Variants in SP140L observed in about 807,000 individuals in gnomAD.
SP140L encodes the protein nuclear body protein SP140-like protein.
Under a neutral mutation model 84.3 loss-of-function variants are expected in SP140L, and 64 were observed. The observed-to-expected ratio is 0.76, with a 90% confidence interval of 0.62 to 0.94. SP140L has a LOEUF of 0.94. Among genes scored for constraint, SP140L ranks in the 40% least tolerant of loss-of-function variants. The pLI, the probability that SP140L is intolerant of heterozygous loss-of-function variation, is 0.00. For missense variants in SP140L, 628 were observed against 692.5 expected (o/e 0.91, Z 1.05); for synonymous variants, 242 against 236.9 (o/e 1.02, Z -0.20).
Position 230,370,982 on chromosome 2 carries a change from G to A in SP140L, c.583+15G>A. 6.2e-7 allele frequency: 1 copy of A among 1,613,080 alleles called. No individual in the cohort carries two copies. The highest frequency in any genetic ancestry group is 2.2e-5 in the East Asian group (1 of 44,850). The stretch of plus-strand genomic sequence containing the variant: ...TGGCAAAATGGGTAAGGCTGCCTGA[G>A]GGCTGTGGGATGGGGTGGCTCAGTG... On this transcript the variant is annotated intron_variant, in intron 6 of 18. Transcript: ENST00000415673.
chr2:230,342,812 T>C (rs73110326), intron 2 of SP140L, among the ~76,000 whole-genome samples: 1 of 151,918 alleles, frequency 6.6e-6, no homozygotes, highest in Non-Finnish European at 1.5e-5. Flanking sequence ...AGATTTATCC[T>C]TTTTTTTAAA....
chr2:230,382,194 A>G (rs1286862116), intron 7 of SP140L, among the ~76,000 whole-genome samples: 1 of 145,950 alleles, frequency 6.9e-6, no homozygotes, highest in Non-Finnish European at 1.5e-5. Flanking sequence ...ATGACTGAGA[A>G]CAGGGGTAGG....
intron 2 of SP140L, among the ~76,000 whole-genome samples, chr2:230,333,744 C>G (rs2059790068): frequency 6.6e-6 from 1 of 151,426 alleles, no homozygotes. Context: ...GGTTGATCCT[C>G]TAGAGATTTT....
rs1387208112 is a variant in SP140L at position 230,359,017 on chromosome 2, T to C, written c.324T>C (p.Asn108=). 1 of 1,613,536 alleles carries C rather than the reference T, an allele frequency of 6.2e-7. No individual in the cohort carries two copies. Among genetic ancestry groups the C allele is most frequent in the Non-Finnish European group, 8.5e-7 (1 of 1,179,756 alleles). The part of the protein sequence containing the change: ...NLVPVQRVVY[N]VLSELEKTFN... ...TCCCTGTACAAAGAGTGGTGTACAA[T>C]GTTCTCAGTGAACTGGAGAAGACAT... The change falls in exon 4 of 19, where the codon AAT becomes AAC. Residue 108 remains asparagine, a synonymous_variant. Transcript: ENST00000415673.
At chr2:230,388,806 A>G in intron 10 of SP140L, 173 bp downstream of exon 10, 1 of 640,316 alleles carries the variant, frequency 1.6e-6, no homozygotes, top group East Asian at 3.3e-5. Context: ...GAAAGAAGGA[A>G]GTAAGTTGGT....
intron 2 of SP140L, among the ~76,000 whole-genome samples, chr2:230,329,451 T>C (rs2059667251): frequency 6.6e-6 from 1 of 152,240 alleles, no homozygotes; most frequent in Non-Finnish European, 1.5e-5. Context: ...GGTTTGGCTC[T>C]GTGTCTCCAC....
chr2:230,389,954 C>T lies in SP140L; in HGVS notation c.895C>T (p.Gln299Ter), dbSNP rs1391508895. The part of the protein sequence containing the change: ...RKHKDETVDF[Q>*]APLLPVTCGG... ...GCACAAAGATGAAACTGTGGATTTT[C>T]AGGCTCCTTTACTTCCAGTGACCTG... Residue 299 changes from glutamine (Q) to a stop codon, truncating the protein, a stop_gained, in exon 11 of 19, where the codon CAG becomes TAG. Transcript: ENST00000415673. LOFTEE classifies it high-confidence loss of function. The T allele has an allele frequency of 6.2e-7, 1 of 1,613,834 alleles. No individual in the cohort carries two copies. Among genetic ancestry groups the T allele is most frequent in the Non-Finnish European group, 8.5e-7 (1 of 1,179,812 alleles).
chr2:230,336,500 CAAGTT>C (rs1388021782), intron 2 of SP140L, among the ~76,000 whole-genome samples: 2 of 152,160 alleles, frequency 1.3e-5, no homozygotes, highest in Non-Finnish European at 2.9e-5. Flanking sequence ...GAGGAGGAAA[CAAGTT>C]AAGCTACGCA....
At chr2:230,355,468 C>T (rs1371596425) in intron 2 of SP140L, among the ~76,000 whole-genome samples, 1 of 152,150 alleles carries the variant, frequency 6.6e-6, no homozygotes, top group Non-Finnish European at 1.5e-5. Context: ...ATATTGTTGT[C>T]AGCTCCCCCA....
At position 230,328,744 on chromosome 2, in the gene SP140L, A is replaced by G. The variant is rs2059646840; in HGVS notation, c.33-13A>G. The G allele has an allele frequency of 2.5e-6, 4 of 1,611,090 alleles. No homozygotes were observed. The highest frequency in any genetic ancestry group is 3.4e-6 in the Non-Finnish European group (4 of 1,178,630). On this transcript the variant is annotated splice_polypyrimidine_tract_variant and intron_variant, in intron 1 of 18. Transcript: ENST00000415673. ...TTTACTTGTTTATAGATCCTGCCAA[A>G]TTGTCTTTTTAGGGGGCTGAACGGA...
At chr2:230,348,469 A>G (rs1032141618) in intron 2 of SP140L, among the ~76,000 whole-genome samples, 5 of 152,174 alleles carry the variant, frequency 3.3e-5, no homozygotes, top group Non-Finnish European at 7.4e-5. Context: ...GCTTTTCTCT[A>G]ATGACTAATG....
rs189131329 is a variant in SP140L at position 230,349,836 on chromosome 2, C to T, written c.108-7969C>T. Among the ~76,000 whole-genome samples, 66 of 152,116 alleles carry T rather than the reference C, an allele frequency of 4.3e-4. 1 individual carries two copies. The East Asian group carries it at 9.3e-3, about 21-fold the overall frequency. On this transcript the variant is annotated intron_variant, in intron 2 of 18. Coordinates refer to ENST00000415673, the MANE Select transcript of SP140L (RefSeq NM_138402.6). ...TCAACCTGGCCAACATGGCAAAACCCCGTCTCTACTAAAAGTACAAAAATT... is the reference window on the plus strand; with the variant it reads ...TCAACCTGGCCAACATGGCAAAACCTCGTCTCTACTAAAAGTACAAAAATT...
chr2:230,392,987 T>C (rs539682989), intron 12 of SP140L, among the ~76,000 whole-genome samples: 1 of 152,278 alleles, frequency 6.6e-6, no homozygotes, highest in East Asian at 1.9e-4. Flanking sequence ...GTGCTTTTTG[T>C]CTGCAGACCC....
intron 4 of SP140L, among the ~76,000 whole-genome samples, chr2:230,361,188 G>A (rs1274458191): frequency 2.0e-5 from 3 of 152,090 alleles, no homozygotes; most frequent in Non-Finnish European, 4.4e-5. Context: ...CTAGGTTCAG[G>A]AGATGCTCCT....
At chr2:230,352,971 C>T (rs1303317019) in intron 2 of SP140L, among the ~76,000 whole-genome samples, 2 of 151,906 alleles carry the variant, frequency 1.3e-5, no homozygotes, top group Non-Finnish European at 2.9e-5. Context: ...TTAGAGAGTT[C>T]ATGTTATGTT....
intron 2 of SP140L, among the ~76,000 whole-genome samples, chr2:230,352,478 T>G (rs1042889882): frequency 9.9e-5 from 15 of 152,074 alleles, no homozygotes; most frequent in African/African-American, 3.6e-4. Flanking sequence ...GTTACACTTT[T>G]AAATAATCAG....
rs1452266239 is a variant in SP140L, at chr2:230,400,368, C to A, written c.1313+126C>A. 3.3e-6 allele frequency: 3 copies of A among 909,668 alleles called. No individual in the cohort carries two copies. The East Asian group carries it at 8.1e-5, about 25-fold the overall frequency. The allele number at this position is 909,668 out of a possible 1,614,324, so 56.3% of individuals were successfully genotyped here. ...GAGCAGGTTCATCGGGTACTGGGAC[C>A]CAGCAGTGTGATCCAGAGAGCAGTG... On this transcript the variant is annotated intron_variant, in intron 15 of 18. Transcript: ENST00000415673.
intron 9 of SP140L, among the ~76,000 whole-genome samples, chr2:230,387,705 G>A (rs2061642875): frequency 6.6e-6 from 1 of 152,128 alleles, no homozygotes; most frequent in Non-Finnish European, 1.5e-5. Flanking sequence ...AAACACATTT[G>A]AACATTAGTA....
At position 230,339,247 on chromosome 2, in the gene SP140L, T is replaced by G. The variant is rs967937533; in HGVS notation, c.107+10416T>G. On this transcript the variant is annotated intron_variant, in intron 2 of 18. Transcript: ENST00000415673. The stretch of plus-strand genomic sequence containing the variant: ...CGGGAGAGTGTATGTGTCCAGGAAT[T>G]TATCCATTTCTTCTAGATTTTCTAG... 8.3e-4 allele frequency among the ~76,000 whole-genome samples: 127 copies of G among 152,280 alleles called. 1 individual carries two copies. The highest frequency in any genetic ancestry group is 1.6e-3 in the Non-Finnish European group (108 of 68,028).
Sources: gnomAD v4.1 joint callset for allele counts (sites outside exome capture counted in the v4.1 genomes callset) on GRCh38, gnomAD v4.1.1 for gene constraint, MANE v1.5 for transcripts, NCBI Gene and HGNC (gene_info 2026-07-23, HGNC 2026-07-21) for gene names.